PFKFB3: variants seen among roughly 807,000 people sequenced by gnomAD.
PFKFB3 encodes 6-phosphofructo-2-kinase/fructose-2,6-biphosphatase 3.
PFKFB3 carries 33 observed loss-of-function variants against 68.0 expected under a neutral mutation model. The observed-to-expected ratio is 0.49, with a 90% CI of 0.37 to 0.65. The LOEUF (loss-of-function observed/expected upper bound fraction) is 0.65. Ranked by LOEUF, PFKFB3 falls within the 30% of genes least tolerant of loss-of-function variation. PFKFB3 has a pLI of 0.00. For missense variants in PFKFB3, 586 were observed against 712.2 expected (o/e 0.82, Z 2.02); for synonymous variants, 315 against 288.2 (o/e 1.09, Z -0.94).
intron 1 of PFKFB3, among the ~76,000 whole-genome samples, chr10:6,212,140 G>C (rs1275605548): frequency 6.6e-6 from 1 of 152,384 alleles, no homozygotes; most frequent in Admixed American, 6.5e-5. Flanking sequence ...TGGGAATGAT[G>C]AGGACAGCCA....
the PFKFB3 span, chr10:6,293,256 CCTT>C: frequency 2.3e-6 from 1 of 435,590 alleles, no homozygotes; most frequent in Non-Finnish European, 4.6e-6. Context: ...AGTCCAGTGA[CCTT>C]CTGTCTGTTG....
At chr10:6,297,957 GAACA>G in the PFKFB3 span, among the ~76,000 whole-genome samples, 4 of 152,116 alleles carry the variant, frequency 2.6e-5, no homozygotes, top group Non-Finnish European at 5.9e-5. Context: ...GAATGTGGAT[GAACA>G]AACATATACA....
chr10:6,302,592 G>A, the PFKFB3 span, among the ~76,000 whole-genome samples: 1 of 150,458 alleles, frequency 6.6e-6, no homozygotes, highest in Non-Finnish European at 1.5e-5. Flanking sequence ...TGTTGGCCAG[G>A]CTGGTCTCGA....
intron 1 of PFKFB3, among the ~76,000 whole-genome samples, chr10:6,206,342 T>C (rs1205814182): frequency 3.6e-5 from 5 of 138,752 alleles, no homozygotes; most frequent in African/African-American, 1.1e-4. Flanking sequence ...AAGTCTCCCA[T>C]GTCTACTTCT....
intron 11 of PFKFB3, among the ~76,000 whole-genome samples, chr10:6,223,476 C>G (rs1845103625): frequency 6.6e-6 from 1 of 152,174 alleles, no homozygotes; most frequent in African/African-American, 2.4e-5. Flanking sequence ...GGTTTGATGG[C>G]ACTCTTTGGG....
chr10:6,226,397 G>A, intron 14 of PFKFB3, 32 bp downstream of exon 14: 1 of 1,573,508 alleles, frequency 6.4e-7, no homozygotes, highest in Non-Finnish European at 8.6e-7. Flanking sequence ...TCCTGCCTGG[G>A]GGACGCATGC....
the PFKFB3 span, among the ~76,000 whole-genome samples, chr10:6,312,099 A>G: frequency 0.035 from 5,380 of 152,190 alleles, 145 homozygotes; most frequent in Middle Eastern, 0.14. Context: ...GGTTGATCTC[A>G]GGGGTGGCAA....
chr10:6,187,198 T>TAACAAAAAAAAAAA (rs1554844289), intron 1 of PFKFB3, among the ~76,000 whole-genome samples: 3 of 142,102 alleles, frequency 2.1e-5, no homozygotes, highest in African/African-American at 2.6e-5. Context: ...CTGTTTCTAC[T>TAACAAAAAAAAAAA]AAAAAAAAAA....
Position 6,210,371 on chromosome 10 carries a change from T to TG in PFKFB3, c.77-3252_77-3251insG, listed in dbSNP as rs1002320203. On this transcript the variant is annotated intron_variant, in intron 1 of 14. Coordinates refer to ENST00000379775, the MANE Select transcript of PFKFB3 (RefSeq NM_004566.4). Reference sequence around the variant, plus strand: ...GTTTTTTTTTGTTTTTTTGTTTTTTTTTTTTTTGAGACGAAGTTTCGCTCT... The same window carrying TG: ...GTTTTTTTTTGTTTTTTTGTTTTTTTGTTTTTTTGAGACGAAGTTTCGCTCT... Among the ~76,000 whole-genome samples the TG allele has an allele frequency of 7.1e-5, 6 of 84,500 alleles. 1 individual carries two copies. The highest frequency in any genetic ancestry group is 2.9e-4 in the East Asian group (1 of 3,438). 55.4% of individuals were successfully genotyped at this position (84,500 alleles called of 152,430 possible).
At chr10:6,192,967 G>A (rs1843074286) in intron 1 of PFKFB3, among the ~76,000 whole-genome samples, 1 of 152,158 alleles carries the variant, frequency 6.6e-6, no homozygotes, top group Non-Finnish European at 1.5e-5. Context: ...ATTTTACTGT[G>A]AATGGCTGTC....
At chr10:6,195,696 C>T (rs565720401) in intron 1 of PFKFB3, among the ~76,000 whole-genome samples, 9 of 152,282 alleles carry the variant, frequency 5.9e-5, no homozygotes, top group Non-Finnish European at 1.2e-4. Flanking sequence ...GGGGGCTCCC[C>T]GCAGAATTCT....
chr10:6,203,250 C>T lies in PFKFB3; in HGVS notation c.-11C>T, dbSNP rs747812819. ...GCCCCGGGAGGCGGGCCGTCGGGCG[C>T]AGCCGCGAAGATGCCGTTGGAACTG... On this transcript the variant is annotated 5_prime_UTR_variant, in exon 1 of 15. Transcript: ENST00000379775. 1.0e-5 allele frequency: 16 copies of T among 1,606,916 alleles called. No individual in the cohort carries two copies. The highest frequency in any genetic ancestry group is 1.4e-5 in the Non-Finnish European group (16 of 1,177,406).
At chr10:6,230,860 C>T (rs1474563511) in intron 14 of PFKFB3, among the ~76,000 whole-genome samples, 1 of 152,056 alleles carries the variant, frequency 6.6e-6, no homozygotes, top group Non-Finnish European at 1.5e-5. Flanking sequence ...GGATTACAGG[C>T]GCCCGCCACC....
chr10:6,296,915 G>C, the PFKFB3 span, among the ~76,000 whole-genome samples: 1 of 152,164 alleles, frequency 6.6e-6, no homozygotes, highest in Non-Finnish European at 1.5e-5. Flanking sequence ...AGCCCAGTAG[G>C]TTTCAGCCTC....
chr10:6,280,924 C>T, the PFKFB3 span, among the ~76,000 whole-genome samples: 160 of 151,470 alleles, frequency 1.1e-3, 2 homozygotes, highest in Non-Finnish European at 5.7e-4. Flanking sequence ...TACACTGAAC[C>T]CAATTTGTAG....
At position 6,203,215 on chromosome 10, in the gene PFKFB3, C is replaced by G; in HGVS notation, c.-46C>G. 2 of 1,595,456 alleles carry G rather than the reference C, an allele frequency of 1.3e-6. No homozygotes were observed. The highest frequency in any genetic ancestry group is 1.7e-6 in the Non-Finnish European group (2 of 1,172,202). On this transcript the variant is annotated 5_prime_UTR_variant, in exon 1 of 15. Coordinates refer to ENST00000379775, the MANE Select transcript of PFKFB3 (RefSeq NM_004566.4). The stretch of plus-strand genomic sequence containing the variant: ...TCGGCGGCCGCTCTCCTGCCAGCGT[C>G]GGGATCTCGGCCCCGGGAGGCGGGC...
the PFKFB3 span, among the ~76,000 whole-genome samples, chr10:6,280,062 C>G: frequency 6.6e-6 from 1 of 152,138 alleles, no homozygotes; most frequent in Non-Finnish European, 1.5e-5. Context: ...ACACCTGGCT[C>G]GTTACCTTTG....
intron 1 of PFKFB3, among the ~76,000 whole-genome samples, chr10:6,207,181 A>G (rs1843835554): frequency 6.6e-6 from 1 of 152,250 alleles, no homozygotes; most frequent in African/African-American, 2.4e-5. Flanking sequence ...TCCGTCTGCA[A>G]TCCCGGCACC....
intron 1 of PFKFB3, among the ~76,000 whole-genome samples, chr10:6,174,582 T>C (rs1301076548): frequency 4.6e-5 from 7 of 152,092 alleles, no homozygotes; most frequent in Non-Finnish European, 1.0e-4. Context: ...TTTCTGTTTC[T>C]GTGGCACTGG....
Sources: gnomAD v4.1 joint callset for allele counts (sites outside exome capture counted in the v4.1 genomes callset) on GRCh38, gnomAD v4.1.1 for gene constraint, MANE v1.5 for transcripts, NCBI Gene and HGNC (gene_info 2026-07-23, HGNC 2026-07-21) for gene names.